Variants in FANCI observed in about 807,000 individuals in gnomAD.
FANCI encodes FA complementation group I.
In FANCI, 156 loss-of-function variants were observed where a neutral mutation model predicts 176.1. The ratio of observed to expected loss-of-function variants is 0.89; its 90% CI spans 0.78 to 1.01. The LOEUF (loss-of-function observed/expected upper bound fraction) is 1.01. Among genes scored for constraint, FANCI ranks in the 50% least tolerant of loss-of-function variants. The pLI is 0.00. For missense variants in FANCI, 1,678 were observed against 1,534.1 expected (o/e 1.09, Z -1.57); for synonymous variants, 613 against 541.7 (o/e 1.13, Z -1.83).
chr15:89,304,685 A>C (rs1296547979), intron 28 of FANCI, among the ~76,000 whole-genome samples: 1 of 152,138 alleles, frequency 6.6e-6, no homozygotes, highest in African/African-American at 2.4e-5. Context: ...GTTGTGCCTG[A>C]GACACGACAA....
chr15:89,296,971 A>C (rs1355173746), intron 24 of FANCI, among the ~76,000 whole-genome samples: 12 of 96,878 alleles, frequency 1.2e-4, no homozygotes, highest in South Asian at 1.1e-3. Flanking sequence ...CGGGGGGCTG[A>C]CCCCCCCCAC....
At position 89,261,266 on chromosome 15, in the gene FANCI, G is replaced by A. The variant is rs142255814; in HGVS notation, c.289-319G>A. Among the ~76,000 whole-genome samples, 3,945 of 151,644 alleles carry A rather than the reference G, an allele frequency of 0.026. 108 individuals carry two copies. The highest frequency in any genetic ancestry group is 0.041 in the Non-Finnish European group (2,798 of 67,956). On this transcript the variant is annotated intron_variant, in intron 4 of 37. Coordinates refer to ENST00000310775, the MANE Select transcript of FANCI (RefSeq NM_001113378.2). ...AGCCTGGGCAGCAGAGTGAGACCCCGTCTCAAAAAAAAAGCAGATGAATGG... is the reference window on the plus strand; with the variant it reads ...AGCCTGGGCAGCAGAGTGAGACCCCATCTCAAAAAAAAAGCAGATGAATGG...
intron 3 of FANCI, among the ~76,000 whole-genome samples, chr15:89,259,656 C>G (rs2052634656): frequency 6.6e-6 from 1 of 152,190 alleles, no homozygotes; most frequent in Admixed American, 6.5e-5. Context: ...CTCCAAACCC[C>G]TAGTCCATTC....
chr15:89,270,616 C>G (rs1248460582), intron 10 of FANCI, among the ~76,000 whole-genome samples: 3 of 151,718 alleles, frequency 2.0e-5, no homozygotes. Flanking sequence ...AGCTGGCATT[C>G]TTCTGTAAAA....
At chr15:89,315,437 TAGC>T (rs1330570822) in intron 37 of FANCI, 48 bp downstream of exon 37, 2 of 1,317,430 alleles carry the variant, frequency 1.5e-6, no homozygotes, top group Non-Finnish European at 2.2e-6. Flanking sequence ...CCTAGCTGGT[TAGC>T]AGCCTATCTG....
chr15:89,293,721 G>GAAC, intron 22 of FANCI, 112 bp from the exon 23 acceptor site: 1 of 1,052,438 alleles, frequency 9.5e-7, no homozygotes, highest in Admixed American at 1.9e-5. Context: ...CATTTATAAT[G>GAAC]TTACGTCTAA....
chr15:89,303,979 G>A lies in FANCI; in HGVS notation c.3058+64G>A, dbSNP rs1023147221. ...AAATCACTATCCTCCAGTGGCATTTGGAAAAGAAAAGGTATTCCCCATTCA... is the reference window on the plus strand; with the variant it reads ...AAATCACTATCCTCCAGTGGCATTTAGAAAAGAAAAGGTATTCCCCATTCA... On this transcript the variant is annotated intron_variant, in intron 28 of 37. Transcript: ENST00000310775. 4.0e-6 allele frequency: 6 copies of A among 1,499,620 alleles called. No homozygotes were observed. In the Admixed American group the frequency reaches 5.0e-5, roughly 13 times the overall value. The allele number at this position is 1,499,620 out of a possible 1,614,324, so 92.9% of individuals were successfully genotyped here.
intron 18 of FANCI, 94 bp from the exon 19 acceptor site, chr15:89,290,119 A>G: frequency 2.0e-6 from 2 of 1,007,880 alleles, no homozygotes; most frequent in Non-Finnish European, 3.2e-6. Flanking sequence ...AAAACTGAGA[A>G]GAGGATAAAG....
intron 9 of FANCI, among the ~76,000 whole-genome samples, chr15:89,265,364 C>T (rs776519341): frequency 1.4e-4 from 21 of 152,156 alleles, no homozygotes; most frequent in Admixed American, 1.2e-3. Flanking sequence ...CGCACCACTA[C>T]GCCCAGCTAA....
At chr15:89,290,306 T>C in intron 19 of FANCI, 25 bp downstream of exon 19, 1 of 1,559,458 alleles carries the variant, frequency 6.4e-7, no homozygotes, top group Non-Finnish European at 8.8e-7. Flanking sequence ...TATGGATATA[T>C]GGAAAACAGA....
chr15:89,274,940 T>C (rs1439829116), intron 12 of FANCI, among the ~76,000 whole-genome samples: 1 of 152,048 alleles, frequency 6.6e-6, no homozygotes, highest in Admixed American at 6.6e-5. Context: ...AGTCTCACTA[T>C]GTTGCCCAGG....
At chr15:89,266,842 C>G (rs893082422) in intron 9 of FANCI, among the ~76,000 whole-genome samples, 2 of 151,800 alleles carry the variant, frequency 1.3e-5, no homozygotes, top group Admixed American at 6.6e-5. Context: ...AAATAATTAG[C>G]TCACTTTTTT....
intron 34 of FANCI, among the ~76,000 whole-genome samples, chr15:89,310,252 C>T (rs1020167577): frequency 6.6e-6 from 1 of 152,210 alleles, no homozygotes; most frequent in African/African-American, 2.4e-5. Context: ...TACAAATAAA[C>T]GAGCATGGCT....
intron 35 of FANCI, 41 bp from the exon 36 acceptor site, chr15:89,314,571 C>T (rs375029249): frequency 6.1e-6 from 9 of 1,480,980 alleles, no homozygotes; most frequent in Non-Finnish European, 5.7e-6. Context: ...CTTCAAAAAC[C>T]ATTGAACCTG....
At chr15:89,307,115 T>C (rs1298180883) in intron 32 of FANCI, among the ~76,000 whole-genome samples, 1 of 152,190 alleles carries the variant, frequency 6.6e-6, no homozygotes, top group African/African-American at 2.4e-5. Context: ...TCTCTCAGAA[T>C]GTGTAGCTCT....
chr15:89,261,785 A>G (rs2052720962), intron 5 of FANCI, 36 bp from the exon 6 acceptor site: 1 of 1,614,170 alleles, frequency 6.2e-7, no homozygotes, highest in Non-Finnish European at 8.5e-7. Flanking sequence ...TATGCACATA[A>G]TCAAATTCAT....
intron 24 of FANCI, among the ~76,000 whole-genome samples, chr15:89,297,720 C>T (rs1004128746): frequency 7.7e-6 from 1 of 129,990 alleles, no homozygotes; most frequent in South Asian, 2.7e-4. Context: ...AGCTTTGGCT[C>T]GGCATCAGAG....
intron 17 of FANCI, among the ~76,000 whole-genome samples, chr15:89,283,599 AT>A (rs1175269338): frequency 6.6e-6 from 1 of 152,150 alleles, no homozygotes; most frequent in East Asian, 1.9e-4. Context: ...AAATCTAATA[AT>A]TTTTAATATT....
At chr15:89,296,953 TG>T (rs2054307928) in intron 24 of FANCI, among the ~76,000 whole-genome samples, 1 of 135,014 alleles carries the variant, frequency 7.4e-6, no homozygotes, top group African/African-American at 3.0e-5. Flanking sequence ...ACGGGGCGGC[TG>T]GCCGGGCGGG....
Sources: gnomAD v4.1 joint callset for allele counts (sites outside exome capture counted in the v4.1 genomes callset) on GRCh38, gnomAD v4.1.1 for gene constraint, MANE v1.5 for transcripts, NCBI Gene and HGNC (gene_info 2026-07-23, HGNC 2026-07-21) for gene names.